The following CCBE1 variants were observed in gnomAD, a reference collection of about 807,000 sequenced individuals.
CCBE1 encodes collagen and calcium binding EGF domains 1, also known as collagen and calcium-binding EGF domain-containing protein 1.
In CCBE1, 37 loss-of-function variants were observed where a neutral mutation model predicts 50.0. That is an observed-to-expected ratio of 0.74 (90% CI 0.57 to 0.97). CCBE1 has a LOEUF of 0.97. CCBE1 is among the 50% of genes least tolerant of loss of function. The pLI is 0.00. For synonymous variants in CCBE1, 234 were observed against 203.7 expected, an observed-to-expected ratio of 1.15 and a Z score of -1.27; for missense variants, 538 against 523.8, an observed-to-expected ratio of 1.03 and a Z score of -0.26.
chr18:59,628,496 T>C (rs1395100347), intron 2 of CCBE1, among the ~76,000 whole-genome samples: 1 of 152,124 alleles, frequency 6.6e-6, no homozygotes, highest in African/African-American at 2.4e-5. Flanking sequence ...TTTTACCTGA[T>C]CATGTCAATA....
chr18:59,606,623 G>A (rs1392288545), intron 2 of CCBE1, among the ~76,000 whole-genome samples: 2 of 152,096 alleles, frequency 1.3e-5, no homozygotes, highest in African/African-American at 4.8e-5. Context: ...ACAAACCTTG[G>A]AAGGGTGTCA....
chr18:59,444,180 G>A (rs775608131), intron 7 of CCBE1, among the ~76,000 whole-genome samples: 43 of 152,156 alleles, frequency 2.8e-4, no homozygotes, highest in Admixed American at 6.5e-5. Context: ...TGGACACTTG[G>A]GTTGCTTCCA....
intron 2 of CCBE1, among the ~76,000 whole-genome samples, chr18:59,533,414 T>A (rs1178277339): frequency 2.0e-5 from 3 of 152,196 alleles, no homozygotes; most frequent in Non-Finnish European, 4.4e-5. Flanking sequence ...GGCCAGTTAT[T>A]TATAAAAATA....
intron 2 of CCBE1, among the ~76,000 whole-genome samples, chr18:59,647,294 A>G (rs1227717108): frequency 1.3e-5 from 2 of 152,224 alleles, no homozygotes; most frequent in African/African-American, 2.4e-5. Flanking sequence ...AAATGGCTGT[A>G]TAATTAGTGG....
At chr18:59,536,282 G>A (rs565838401) in intron 2 of CCBE1, among the ~76,000 whole-genome samples, 7 of 152,174 alleles carry the variant, frequency 4.6e-5, no homozygotes, top group East Asian at 1.9e-4. Flanking sequence ...CCCAGCATCC[G>A]CATAGAGCCT....
chr18:59,657,798 G>A (rs1317420937), intron 2 of CCBE1, among the ~76,000 whole-genome samples: 1 of 152,194 alleles, frequency 6.6e-6, no homozygotes, highest in Non-Finnish European at 1.5e-5. Context: ...GCTGAGGCAG[G>A]AGAAATCGCT....
At chr18:59,524,766 G>A (rs920961626) in intron 2 of CCBE1, among the ~76,000 whole-genome samples, 16 of 148,146 alleles carry the variant, frequency 1.1e-4, no homozygotes, top group East Asian at 3.9e-4. Context: ...CCCTCGATAG[G>A]CCCCAGTATG....
At chr18:59,583,780 G>A (rs559323401) in intron 2 of CCBE1, among the ~76,000 whole-genome samples, 30 of 152,120 alleles carry the variant, frequency 2.0e-4, no homozygotes, top group African/African-American at 7.0e-4. Flanking sequence ...TGTCTTAAGG[G>A]CTGCCTTTTT....
chr18:59,520,584 C>T (rs535430428), intron 2 of CCBE1, among the ~76,000 whole-genome samples: 5 of 152,246 alleles, frequency 3.3e-5, no homozygotes, highest in East Asian at 3.8e-4. Flanking sequence ...GAAAAGGAAA[C>T]GTGTTGCAGT....
At chr18:59,622,599 T>G (rs9941413) in intron 2 of CCBE1, among the ~76,000 whole-genome samples, 3,660 of 151,664 alleles carry the variant, frequency 0.024, 134 homozygotes, top group African/African-American at 0.084. Flanking sequence ...TCAGGAATTC[T>G]AGACCAGCCT....
chr18:59,439,903 A>ATTTC, intron 7 of CCBE1, 87 bp from the exon 8 acceptor site: 1 of 1,446,972 alleles, frequency 6.9e-7, no homozygotes, highest in East Asian at 2.3e-5. Flanking sequence ...CCCTGCAGCC[A>ATTTC]TTTCTCTTTG....
intron 2 of CCBE1, among the ~76,000 whole-genome samples, chr18:59,661,274 AC>A (rs2054281296): frequency 2.0e-5 from 3 of 152,224 alleles, no homozygotes; most frequent in Non-Finnish European, 4.4e-5. Flanking sequence ...ACAATAACTC[AC>A]TGAAGAAGCT....
intron 2 of CCBE1, among the ~76,000 whole-genome samples, chr18:59,567,987 A>G (rs2052854821): frequency 1.3e-5 from 2 of 152,112 alleles, no homozygotes; most frequent in Non-Finnish European, 2.9e-5. Flanking sequence ...AGATTTTTAG[A>G]AATCGCTGTG....
chr18:59,434,601 T>C lies in CCBE1; in HGVS notation c.*1307A>G, dbSNP rs573564255. On this transcript the variant is annotated 3_prime_UTR_variant, in exon 11 of 11. Coordinates refer to ENST00000439986, the MANE Select transcript of CCBE1 (RefSeq NM_133459.4). ...TCTAACTCACTAGGAGGTGGAGATA[T>C]AGACCTTTTTCTGAACTGCTTCTCA... The C allele has an allele frequency of 2.0e-5, 3 of 152,196 alleles. No individual in the cohort carries two copies. The highest frequency in any genetic ancestry group is 2.1e-4 in the South Asian group (1 of 4,824). 9.4% of individuals were successfully genotyped at this position (152,196 alleles called of 1,614,324 possible). A position where few individuals can be genotyped will look rare whatever the true frequency, so the allele number is the denominator to read the frequency against.
chr18:59,617,170 C>A (rs2144596250), intron 2 of CCBE1, among the ~76,000 whole-genome samples: 1 of 152,316 alleles, frequency 6.6e-6, no homozygotes, highest in South Asian at 2.1e-4. Context: ...CCAAGATCAT[C>A]ATCACTGGAA....
At chr18:59,631,128 A>C (rs1218515339) in intron 2 of CCBE1, among the ~76,000 whole-genome samples, 4 of 152,122 alleles carry the variant, frequency 2.6e-5, no homozygotes, top group African/African-American at 4.8e-5. Flanking sequence ...AATACAACTT[A>C]CTTGCCCACT....
chr18:59,456,594 A>G (rs946822642), intron 5 of CCBE1, among the ~76,000 whole-genome samples: 1 of 152,206 alleles, frequency 6.6e-6, no homozygotes, highest in Non-Finnish European at 1.5e-5. Context: ...CCCTGCTGAC[A>G]TCTCAGACTT....
chr18:59,440,646 A>G (rs1282707041), intron 7 of CCBE1, among the ~76,000 whole-genome samples: 1 of 152,094 alleles, frequency 6.6e-6, no homozygotes, highest in African/African-American at 2.4e-5. Flanking sequence ...GGCCCCAGAG[A>G]AATATCCCTT....
intron 2 of CCBE1, among the ~76,000 whole-genome samples, chr18:59,613,575 A>G (rs978171790): frequency 1.3e-4 from 20 of 152,100 alleles, no homozygotes; most frequent in Admixed American, 7.2e-4. Context: ...TTAGACTTCA[A>G]TTGTCTAACT....
Sources: gnomAD v4.1 joint callset for allele counts (sites outside exome capture counted in the v4.1 genomes callset) on GRCh38, gnomAD v4.1.1 for gene constraint, MANE v1.5 for transcripts, NCBI Gene and HGNC (gene_info 2026-07-23, HGNC 2026-07-21) for gene names.